The following CNTNAP5 variants were observed in gnomAD, a reference collection of about 807,000 sequenced individuals.
CNTNAP5 encodes the protein contactin-associated protein-like 5.
A neutral mutation model predicts 150.2 loss-of-function variants in CNTNAP5; 72 were observed. The observed-to-expected ratio is 0.48, with a 90% CI of 0.40 to 0.58. The LOEUF is 0.58. Ranked by LOEUF, CNTNAP5 falls within the 20% of genes least tolerant of loss-of-function variation. The pLI is 0.00. For missense variants in CNTNAP5, 1,636 were observed against 1,626.2 expected, an observed-to-expected ratio of 1.01 and a Z score of -0.10; for synonymous variants, 672 against 619.8, an observed-to-expected ratio of 1.08 and a Z score of -1.25.
chr2:124,905,122 T>C (rs1056441693), intron 22 of CNTNAP5, among the ~76,000 whole-genome samples: 1 of 121,520 alleles, frequency 8.2e-6, no homozygotes, highest in African/African-American at 3.1e-5. Context: ...TTTTGTTTTT[T>C]TTTGTTTTTT....
intron 22 of CNTNAP5, among the ~76,000 whole-genome samples, chr2:124,906,170 T>C (rs894813665): frequency 1.3e-5 from 2 of 152,132 alleles, no homozygotes; most frequent in African/African-American, 4.8e-5. Context: ...CAATATAATA[T>C]AGATAGAAAC....
intron 1 of CNTNAP5, among the ~76,000 whole-genome samples, chr2:124,149,897 A>G (rs1483730303): frequency 6.6e-6 from 1 of 152,178 alleles, no homozygotes; most frequent in East Asian, 1.9e-4. Flanking sequence ...CTCTCAGACC[A>G]TTCCTGATGG....
chr2:124,376,552 T>C (rs1690654108), intron 3 of CNTNAP5, among the ~76,000 whole-genome samples: 1 of 151,996 alleles, frequency 6.6e-6, no homozygotes, highest in African/African-American at 2.4e-5. Flanking sequence ...TTGACATTAC[T>C]ATATGTACCG....
intron 3 of CNTNAP5, among the ~76,000 whole-genome samples, chr2:124,358,691 C>T (rs1388376428): frequency 2.6e-5 from 4 of 152,178 alleles, no homozygotes; most frequent in African/African-American, 9.7e-5. Context: ...TGATGTGCTG[C>T]TGGATTCATT....
At chr2:124,124,801 T>C (rs1418820305) in intron 1 of CNTNAP5, among the ~76,000 whole-genome samples, 2 of 152,176 alleles carry the variant, frequency 1.3e-5, no homozygotes, top group Non-Finnish European at 2.9e-5. Context: ...GAATTTCATA[T>C]CCAGCCAAAC....
intron 12 of CNTNAP5, among the ~76,000 whole-genome samples, chr2:124,614,361 T>C (rs944887075): frequency 4.1e-4 from 63 of 151,846 alleles, no homozygotes; most frequent in African/African-American, 1.4e-3. Context: ...TTGGGGAGAG[T>C]CTATACAGTA....
chr2:124,544,367 A>G (rs886279888), intron 10 of CNTNAP5, among the ~76,000 whole-genome samples: 1 of 152,196 alleles, frequency 6.6e-6, no homozygotes, highest in Non-Finnish European at 1.5e-5. Flanking sequence ...CTAACATCAG[A>G]TATGTAAAGA....
Position 124,434,585 on chromosome 2 carries a change from A to T in CNTNAP5, c.631A>T (p.Ser211Cys). Residue 211 changes from serine to cysteine, a missense_variant, in exon 5 of 24, where the codon AGC becomes TGC. By Grantham distance (112) the Ser-to-Cys change is moderately radical. Coordinates refer to ENST00000682447, the MANE Select transcript of CNTNAP5 (RefSeq NM_001367498.1). Reference protein sequence around the residue: ...LKDVISLKFKSMQGDGVLFHG... With the variant: ...LKDVISLKFKCMQGDGVLFHG... ...AGATGTGATCTCCCTGAAGTTCAAG[A>T]GCATGCAAGGAGATGGGGTCCTGTT... 6.2e-7 allele frequency: 1 copy of T among 1,613,976 alleles called. No homozygotes were observed. Among genetic ancestry groups the T allele is most frequent in the Non-Finnish European group, 8.5e-7 (1 of 1,179,850 alleles).
chr2:124,835,689 G>A (rs1310845119), intron 19 of CNTNAP5, among the ~76,000 whole-genome samples: 1 of 152,148 alleles, frequency 6.6e-6, no homozygotes, highest in Non-Finnish European at 1.5e-5. Flanking sequence ...GTTATATGGT[G>A]TGCAAGCCTG....
chr2:124,859,169 G>T (rs1392159903), intron 19 of CNTNAP5, among the ~76,000 whole-genome samples: 2 of 151,850 alleles, frequency 1.3e-5, no homozygotes, highest in East Asian at 3.9e-4. Context: ...TCTGACAAAG[G>T]GCTAATATCC....
chr2:124,182,352 A>T (rs563849296), intron 1 of CNTNAP5, among the ~76,000 whole-genome samples: 1 of 152,286 alleles, frequency 6.6e-6, no homozygotes, highest in African/African-American at 2.4e-5. Context: ...AGGTGAATTT[A>T]CAAACAGTTA....
chr2:124,048,655 C>CT (rs1197968166), intron 1 of CNTNAP5, among the ~76,000 whole-genome samples: 2 of 152,154 alleles, frequency 1.3e-5, no homozygotes, highest in African/African-American at 4.8e-5. Context: ...TAATGAGTAT[C>CT]TTTTTTGTTG....
At chr2:124,064,406 A>G (rs1470355602) in intron 1 of CNTNAP5, among the ~76,000 whole-genome samples, 1 of 152,044 alleles carries the variant, frequency 6.6e-6, no homozygotes, top group Admixed American at 6.6e-5. Context: ...TGTCTAATCA[A>G]TCCCCAATCC....
chr2:124,182,803 C>T (rs766200211), intron 1 of CNTNAP5, among the ~76,000 whole-genome samples: 1 of 152,138 alleles, frequency 6.6e-6, no homozygotes, highest in Non-Finnish European at 1.5e-5. Context: ...GTCTTTAGTA[C>T]CCATGAAGCT....
At chr2:124,277,857 T>C (rs1054495167) in intron 3 of CNTNAP5, among the ~76,000 whole-genome samples, 1 of 152,164 alleles carries the variant, frequency 6.6e-6, no homozygotes, top group Non-Finnish European at 1.5e-5. Flanking sequence ...TCAGGGTCCA[T>C]GCATTAGCAA....
intron 1 of CNTNAP5, among the ~76,000 whole-genome samples, chr2:124,048,469 G>C (rs780067591): frequency 6.6e-6 from 1 of 152,154 alleles, no homozygotes; most frequent in Non-Finnish European, 1.5e-5. Flanking sequence ...GATATTACCT[G>C]ATAACATTTT....
intron 21 of CNTNAP5, among the ~76,000 whole-genome samples, chr2:124,871,408 T>A (rs1677745936): frequency 6.6e-6 from 1 of 152,070 alleles, no homozygotes; most frequent in Admixed American, 6.6e-5. Context: ...GTCAGAGGTG[T>A]AACGGAGCCA....
At chr2:124,751,122 G>A (rs1212855546) in intron 14 of CNTNAP5, among the ~76,000 whole-genome samples, 1 of 152,032 alleles carries the variant, frequency 6.6e-6, no homozygotes, top group Admixed American at 6.6e-5. Flanking sequence ...AAATGAGCTG[G>A]GAAATTTAGA....
intron 3 of CNTNAP5, among the ~76,000 whole-genome samples, chr2:124,308,558 A>AGCCAG (rs1688745797): frequency 6.6e-6 from 1 of 152,218 alleles, no homozygotes; most frequent in African/African-American, 2.4e-5. Flanking sequence ...ACACTATTTA[A>AGCCAG]ACAGGCTTAA....
Sources: allele counts gnomAD v4.1 joint callset (sites outside exome capture counted in the v4.1 genomes callset), GRCh38; gene constraint gnomAD v4.1.1; transcripts MANE v1.5; gene names NCBI Gene and HGNC (gene_info 2026-07-23, HGNC 2026-07-21).